The following TRPM3 variants were observed in gnomAD, a reference collection of about 807,000 sequenced individuals.
TRPM3 encodes long transient receptor potential channel 3.
In TRPM3, 77 loss-of-function variants were observed where a neutral mutation model predicts 181.2. That is an observed-to-expected ratio of 0.42 (90% CI 0.35 to 0.51). The LOEUF (loss-of-function observed/expected upper bound fraction) is 0.51. Ranked by LOEUF, TRPM3 falls within the 20% of genes least tolerant of loss-of-function variation. The pLI is 0.01. For missense variants in TRPM3, 1,759 were observed against 2,196.7 expected, an observed-to-expected ratio of 0.80 and a Z score of 3.98; for synonymous variants, 745 against 796.4, an observed-to-expected ratio of 0.94 and a Z score of 1.09.
chr9:70,841,643 T>TATATAC (rs1295867985), intron 5 of TRPM3, among the ~76,000 whole-genome samples: 2 of 131,194 alleles, frequency 1.5e-5, no homozygotes, highest in Admixed American at 1.5e-4. Context: ...TATATATATA[T>TATATAC]ATATATATAT....
intron 1 of TRPM3, among the ~76,000 whole-genome samples, chr9:71,348,652 C>G (rs2091433158): frequency 6.6e-6 from 1 of 151,992 alleles, no homozygotes; most frequent in Admixed American, 6.6e-5. Flanking sequence ...TCACTGCAGC[C>G]TCAGCCTCCT....
At position 70,827,948 on chromosome 9, in the gene TRPM3, T is replaced by C; in HGVS notation, c.872A>G (p.His291Arg). 1 of 1,614,026 alleles carries C rather than the reference T, an allele frequency of 6.2e-7. No homozygotes were observed. Among genetic ancestry groups the C allele is most frequent in the Non-Finnish European group, 8.5e-7 (1 of 1,179,964 alleles). The change falls in exon 6 of 26, where the codon CAC becomes CGC. Residue 291 changes from histidine to arginine, a missense_variant. Physicochemically the swap from His to Arg is conservative, Grantham distance 29. Around this residue, in one of 8 missense-constraint regions of TRPM3, gnomAD observed 737 missense variants for 957.4 expected, o/e 0.77. Coordinates refer to ENST00000677713, the MANE Select transcript of TRPM3 (RefSeq NM_001366145.2). ...GGTCCCGTTGTCAGCCAGAATGAAG[T>C]GGGAATGCATGCTGTTGAGAACAGT... Reference protein sequence around the residue: ...KLTVLNSMHSHFILADNGTTG... With the variant: ...KLTVLNSMHSRFILADNGTTG...
chr9:70,783,875 C>T (rs2083008790), intron 7 of TRPM3: 1 of 1,227,280 alleles, frequency 8.1e-7, no homozygotes, highest in Non-Finnish European at 1.0e-6. Context: ...TTTCCTCACC[C>T]TTTTTATTAT....
At chr9:71,327,827 T>C (rs1169159923) in intron 1 of TRPM3, among the ~76,000 whole-genome samples, 3 of 152,164 alleles carry the variant, frequency 2.0e-5, no homozygotes, top group Non-Finnish European at 4.4e-5. Flanking sequence ...AATGTGTTTA[T>C]CAGGATACAT....
intron 1 of TRPM3, among the ~76,000 whole-genome samples, chr9:70,979,847 C>T (rs1229822873): frequency 6.6e-6 from 1 of 152,094 alleles, no homozygotes; most frequent in African/African-American, 2.4e-5. Context: ...GCAGATGCCA[C>T]CTTCTCACTG....
chr9:71,163,145 G>T (rs1260043122), intron 1 of TRPM3, among the ~76,000 whole-genome samples: 1 of 152,156 alleles, frequency 6.6e-6, no homozygotes, highest in Non-Finnish European at 1.5e-5. Context: ...TTAACCCAAA[G>T]AGGTGACATG....
intron 6 of TRPM3, chr9:70,826,709 A>G (rs2093579395): frequency 6.6e-6 from 1 of 152,262 alleles, no homozygotes; most frequent in Non-Finnish European, 1.5e-5. Context: ...GTTGAATCAC[A>G]GTACATAGAA....
intron 1 of TRPM3, among the ~76,000 whole-genome samples, chr9:71,045,281 T>A (rs574306824): frequency 6.6e-6 from 1 of 152,052 alleles, no homozygotes; most frequent in Non-Finnish European, 1.5e-5. Context: ...TGGAATACCA[T>A]CTCAATCCTC....
chr9:70,606,383 C>T (rs2061113278), intron 19 of TRPM3, among the ~76,000 whole-genome samples: 1 of 152,052 alleles, frequency 6.6e-6, no homozygotes, highest in African/African-American at 2.4e-5. Context: ...ATGTTTCCTC[C>T]ACTTTCATCA....
chr9:71,268,875 C>T (rs560299611), intron 1 of TRPM3, among the ~76,000 whole-genome samples: 24 of 151,974 alleles, frequency 1.6e-4, no homozygotes, highest in Non-Finnish European at 3.5e-4. Context: ...TCAGAGAAGG[C>T]TTCTCAGGGA....
intron 1 of TRPM3, among the ~76,000 whole-genome samples, chr9:71,274,713 A>G (rs1478147951): frequency 6.6e-6 from 1 of 152,262 alleles, no homozygotes; most frequent in Non-Finnish European, 1.5e-5. Flanking sequence ...TGTAGTGGGC[A>G]TGAGCTTTCG....
chr9:70,789,079 T>C (rs2084677266), intron 6 of TRPM3, among the ~76,000 whole-genome samples: 1 of 152,208 alleles, frequency 6.6e-6, no homozygotes, highest in African/African-American at 2.4e-5. Flanking sequence ...TGTTTTTTTT[T>C]CTGTTCACAC....
intron 1 of TRPM3, among the ~76,000 whole-genome samples, chr9:71,235,442 A>C (rs767674038): frequency 2.0e-5 from 3 of 152,216 alleles, no homozygotes; most frequent in Non-Finnish European, 4.4e-5. Context: ...TTCACTATGT[A>C]TCCCCAGTGC....
chr9:70,909,650 C>A (rs1233033302), intron 1 of TRPM3, among the ~76,000 whole-genome samples: 1 of 152,104 alleles, frequency 6.6e-6, no homozygotes, highest in Non-Finnish European at 1.5e-5. Flanking sequence ...GTACAATATA[C>A]AATCTAATAG....
chr9:71,043,356 A>C (rs1355820359), intron 1 of TRPM3, among the ~76,000 whole-genome samples: 1 of 152,208 alleles, frequency 6.6e-6, no homozygotes, highest in Non-Finnish European at 1.5e-5. Context: ...AGAGTTTACC[A>C]CATTTAAAGC....
At chr9:71,237,060 A>AAG (rs1294519191) in intron 1 of TRPM3, among the ~76,000 whole-genome samples, 43 of 139,016 alleles carry the variant, frequency 3.1e-4, no homozygotes, top group African/African-American at 9.7e-4. Flanking sequence ...AAAAAAAAAA[A>AAG]GGGGGGGGGA....
At chr9:70,623,365 C>CAAAA (rs34432876) in intron 14 of TRPM3, among the ~76,000 whole-genome samples, 1 of 112,830 alleles carries the variant, frequency 8.9e-6, no homozygotes, top group African/African-American at 3.2e-5. Flanking sequence ...GACTGCGTCT[C>CAAAA]AAAAAAAAAA....
Position 70,533,361 on chromosome 9 carries a change from A to C in TRPM3, c.*2592T>G, listed in dbSNP as rs2041151331. The C allele has an allele frequency of 6.6e-6, 1 of 152,250 alleles. No individual in the cohort carries two copies. Among genetic ancestry groups the C allele is most frequent in the Non-Finnish European group, 1.5e-5 (1 of 68,048 alleles). 9.4% of individuals were successfully genotyped at this position (152,250 alleles called of 1,614,324 possible). ...CATCAACATGTTAGGATGTAAGTGC[A>C]TTAAATTGGCAACATCTAATTTAAA... On this transcript the variant is annotated 3_prime_UTR_variant, in exon 26 of 26. Coordinates refer to ENST00000677713, the MANE Select transcript of TRPM3 (RefSeq NM_001366145.2).
At chr9:70,692,897 C>T (rs1587366291) in intron 8 of TRPM3, among the ~76,000 whole-genome samples, 1 of 152,276 alleles carries the variant, frequency 6.6e-6, no homozygotes, top group South Asian at 2.1e-4. Flanking sequence ...TGACATATCA[C>T]AGTGAGAAAA....
Sources: allele counts gnomAD v4.1 joint callset (sites outside exome capture counted in the v4.1 genomes callset), GRCh38; gene constraint gnomAD v4.1.1; regional missense constraint gnomAD v4.1.1; transcripts MANE v1.5; gene names NCBI Gene and HGNC (gene_info 2026-07-23, HGNC 2026-07-21).